Variants in JPH1 observed in about 807,000 individuals in gnomAD.
The protein encoded by JPH1 is junctophilin 1.
In JPH1, 12 loss-of-function variants were observed where a neutral mutation model predicts 53.6. The observed-to-expected ratio is 0.22, with a 90% CI of 0.14 to 0.36. The LOEUF (loss-of-function observed/expected upper bound fraction) is 0.36. Ranked by LOEUF, JPH1 falls within the 10% of genes least tolerant of loss-of-function variation. The probability of loss-of-function intolerance (pLI) is 1.00; values close to 1 mark genes in which losing one functional copy is unlikely to be tolerated. For synonymous variants in JPH1, 375 were observed against 363.8 expected (o/e 1.03, Z -0.35); for missense variants, 808 against 905.5 (o/e 0.89, Z 1.38).
intron 3 of JPH1, 24 bp from the exon 4 acceptor site, chr8:74,245,199 G>C (rs772820852): frequency 6.5e-7 from 1 of 1,529,274 alleles, no homozygotes; most frequent in South Asian, 1.3e-5. Flanking sequence ...AAAGAAAAAA[G>C]AAAAAAAGAA....
chr8:74,246,940 A>G (rs985786395), intron 3 of JPH1, among the ~76,000 whole-genome samples: 1 of 152,248 alleles, frequency 6.6e-6, no homozygotes, highest in Non-Finnish European at 1.5e-5. Context: ...ATTTTGAATG[A>G]CAAAAAGCAG....
intron 2 of JPH1, among the ~76,000 whole-genome samples, chr8:74,280,918 G>A (rs978306083): frequency 6.6e-6 from 1 of 152,062 alleles, no homozygotes; most frequent in African/African-American, 2.4e-5. Context: ...GTTATTATTC[G>A]CTCTAATTTA....
At chr8:74,275,292 G>C (rs1472830147) in intron 2 of JPH1, among the ~76,000 whole-genome samples, 1 of 152,132 alleles carries the variant, frequency 6.6e-6, no homozygotes, top group Non-Finnish European at 1.5e-5. Flanking sequence ...GCAAAACAGA[G>C]ATGAAGAAAA....
At chr8:74,260,915 G>A (rs1353626174) in intron 2 of JPH1, among the ~76,000 whole-genome samples, 2 of 152,154 alleles carry the variant, frequency 1.3e-5, no homozygotes, top group East Asian at 3.8e-4. Context: ...TTGGTCCTCT[G>A]TCATAATCCC....
chr8:74,318,992 G>GA (rs972072088), intron 1 of JPH1, among the ~76,000 whole-genome samples: 1 of 151,638 alleles, frequency 6.6e-6, no homozygotes, highest in Non-Finnish European at 1.5e-5. Flanking sequence ...TAGCATATTA[G>GA]ATTTTTTTTT....
intron 3 of JPH1, among the ~76,000 whole-genome samples, chr8:74,254,461 C>A (rs200093125): frequency 6.6e-6 from 1 of 151,936 alleles, no homozygotes; most frequent in African/African-American, 2.4e-5. Context: ...AAAACTGGAA[C>A]CATTCCCTTT....
At chr8:74,251,231 C>T (rs1421879910) in intron 3 of JPH1, among the ~76,000 whole-genome samples, 1 of 152,172 alleles carries the variant, frequency 6.6e-6, no homozygotes, top group East Asian at 1.9e-4. Context: ...ATGAACACTG[C>T]CAATTTTTGC....
intron 2 of JPH1, among the ~76,000 whole-genome samples, chr8:74,286,263 T>C (rs75847125): frequency 0.01 from 1,566 of 152,306 alleles, 21 homozygotes; most frequent in African/African-American, 0.034. Flanking sequence ...TCTGCGTTTC[T>C]TCTTAAAATT....
At chr8:74,259,542 C>A in intron 2 of JPH1, 39 bp from the exon 3 acceptor site, 1 of 1,372,190 alleles carries the variant, frequency 7.3e-7, no homozygotes, top group Non-Finnish European at 9.8e-7. Context: ...CATAGGTGAC[C>A]CCTTGTTACT....
chr8:74,314,492 G>C (rs1052089865), intron 2 of JPH1, among the ~76,000 whole-genome samples: 2 of 151,950 alleles, frequency 1.3e-5, no homozygotes, highest in African/African-American at 4.8e-5. Flanking sequence ...AAAACACAAT[G>C]CTTGCTATGG....
rs571243235 is a variant in JPH1, at chr8:74,235,293, C to T, written c.*1758G>A. 1.8e-4 allele frequency: 27 copies of T among 152,602 alleles called. No homozygotes were observed. Among genetic ancestry groups the T allele is most frequent in the Non-Finnish European group, 2.6e-4 (18 of 67,992 alleles). The allele number at this position is 152,602 out of a possible 1,614,324, so 9.5% of individuals were successfully genotyped here. ...AAGCAAAATGTAAAAAATGAATATA[C>T]AAGTTGAAATTTTTCATTTGCTCTC... On this transcript the variant is annotated 3_prime_UTR_variant, in exon 6 of 6. Coordinates refer to ENST00000342232, the MANE Select transcript of JPH1 (RefSeq NM_020647.4).
intron 2 of JPH1, among the ~76,000 whole-genome samples, chr8:74,279,538 G>A (rs1416979995): frequency 6.6e-6 from 1 of 152,122 alleles, no homozygotes; most frequent in African/African-American, 2.4e-5. Context: ...CTGCATAGGG[G>A]CTTAAGAGAA....
chr8:74,253,216 C>T (rs1806119496), intron 3 of JPH1, among the ~76,000 whole-genome samples: 1 of 152,122 alleles, frequency 6.6e-6, no homozygotes, highest in South Asian at 2.1e-4. Flanking sequence ...TGCAATCAAA[C>T]TAGAACTCAG....
Position 74,315,178 on chromosome 8 carries a change from G to A in JPH1, c.822C>T (p.Asp274=), listed in dbSNP as rs754517840. The A allele has an allele frequency of 5.0e-6, 8 of 1,614,072 alleles. No homozygotes were observed. Among genetic ancestry groups the A allele is most frequent in the Non-Finnish European group, 5.9e-6 (7 of 1,180,038 alleles). The change falls in exon 2 of 6, where the codon GAC becomes GAT. Residue 274 remains aspartate (D), a synonymous_variant. Coordinates refer to ENST00000342232, the MANE Select transcript of JPH1 (RefSeq NM_020647.4). The surrounding 1 kb of genome is among the most constrained non-coding windows in gnomAD (Gnocchi z 6.3). The part of the protein sequence containing the change: ...CDFCPVEDHV[D]ATTTETYMGE... The stretch of plus-strand genomic sequence containing the variant: ...CCATGTAGGTTTCCGTGGTGGTGGC[G>A]TCCACGTGGTCTTCCACCGGGCAAA...
rs1310204489 is a variant in JPH1 at position 74,315,412 on chromosome 8, G to A, written c.588C>T (p.Asn196=). ...PAGTRGGFVL[N]FHADAELAGK... The stretch of plus-strand genomic sequence containing the variant: ...CCGCTAGCTCAGCGTCTGCGTGGAA[G>A]TTGAGCACGAAACCGCCGCGGGTGC... Residue 196 remains asparagine, a synonymous_variant, in exon 2 of 6, where the codon AAC becomes AAT. Coordinates refer to ENST00000342232, the MANE Select transcript of JPH1 (RefSeq NM_020647.4). The surrounding 1 kb of genome is among the most constrained non-coding windows in gnomAD (Gnocchi z 6.3). The A allele has an allele frequency of 6.2e-7, 1 of 1,612,434 alleles. No individual in the cohort carries two copies. Among genetic ancestry groups the A allele is most frequent in the East Asian group, 2.2e-5 (1 of 44,872 alleles).
rs1563393079 is a variant in JPH1 at position 74,244,974 on chromosome 8, T to G, written c.1460A>C (p.Asn487Thr). Residue 487 changes from asparagine to threonine, a missense_variant, in exon 4 of 6, where the codon AAC becomes ACC. Transcript: ENST00000342232. ...GTTGAGTCTCGCCCCTGAGCTGGGG[T>G]TTTGCTTCTTCAGGGGCTTTGGGGA... The part of the protein sequence containing the change: ...ASSPKPLKKQ[N>T]PSSGARLNQD... 6.2e-7 allele frequency: 1 copy of G among 1,613,908 alleles called. No individual in the cohort carries two copies. The highest frequency in any genetic ancestry group is 2.2e-5 in the East Asian group (1 of 44,854).
chr8:74,320,879 A>G lies in JPH1; in HGVS notation c.379+30T>C, dbSNP rs776857436. 1.3e-6 allele frequency: 2 copies of G among 1,483,360 alleles called. No homozygotes were observed. Among genetic ancestry groups the G allele is most frequent in the Non-Finnish European group, 1.8e-6 (2 of 1,118,384 alleles). 91.9% of individuals were successfully genotyped at this position (1,483,360 alleles called of 1,614,324 possible). On this transcript the variant is annotated intron_variant, in intron 1 of 5. Coordinates refer to ENST00000342232, the MANE Select transcript of JPH1 (RefSeq NM_020647.4). This position sits in a 1 kb window ranked among gnomAD's most constrained non-coding sequence, Gnocchi z 4.4. ...CAGAGCCCACCGCACCAGCTCGCGG[A>G]GCAGCCGAGCCGCCCGTTACGCCGC... is the stretch of plus-strand genomic sequence containing the variant.
At chr8:74,272,566 T>G (rs1461367239) in intron 2 of JPH1, among the ~76,000 whole-genome samples, 2 of 151,856 alleles carry the variant, frequency 1.3e-5, no homozygotes, top group African/African-American at 4.8e-5. Context: ...AAGGTTCTGA[T>G]TTGATCAGAG....
Position 74,315,207 on chromosome 8 carries a change from C to T in JPH1, c.793G>A (p.Asp265Asn). 6.2e-7 allele frequency: 1 copy of T among 1,614,228 alleles called. No individual in the cohort carries two copies. Among genetic ancestry groups the T allele is most frequent in the Non-Finnish European group, 8.5e-7 (1 of 1,180,056 alleles). Residue 265 changes from aspartate (D) to asparagine (N), a missense_variant, in exon 2 of 6, where the codon GAT becomes AAT. By Grantham distance (23) the Asp-to-Asn change is conservative. Transcript: ENST00000342232. This position sits in a 1 kb window ranked among gnomAD's most constrained non-coding sequence, Gnocchi z 6.3. ...ACGTGGTCTTCCACCGGGCAAAAAT[C>T]ACAATCTACATCGCCAAAGCTGATC... ...STISFGDVDCDFCPVEDHVDA... is the reference protein window; with the variant it reads ...STISFGDVDCNFCPVEDHVDA...
Sources: gnomAD v4.1 joint callset for allele counts (sites outside exome capture counted in the v4.1 genomes callset) on GRCh38, gnomAD v4.1.1 for gene constraint, Gnocchi (gnomAD v3.1) non-coding constraint, MANE v1.5 for transcripts, NCBI Gene and HGNC (gene_info 2026-07-23, HGNC 2026-07-21) for gene names.